MUC12: variants seen among roughly 807,000 people sequenced by gnomAD.
The protein encoded by MUC12 is mucin-12.
MUC12 carries 172 observed loss-of-function variants against 230.8 expected under a neutral mutation model. That is an observed-to-expected ratio of 0.75 (90% CI 0.66 to 0.85). The LOEUF (loss-of-function observed/expected upper bound fraction) is 0.85. MUC12 is among the 40% of genes least tolerant of loss of function. The pLI is 0.00. For missense variants in MUC12, 3,506 were observed against 5,920.6 expected (o/e 0.59, Z 13.38); for synonymous variants, 1,259 against 2,401.9 (o/e 0.52, Z 13.91).
In MUC12 at chr7:101,004,804, A is replaced by C. The variant is rs1324676383; in HGVS notation, c.14241A>C (p.Ser4747=). ...KSTILYSSSR[S]PDQTLSPASM... Reference sequence around the variant, plus strand: ...CCATCCTTTACAGTAGCTCCAGATCACCAGACCAAACACTCTCACCTGCCA... The same window carrying C: ...CCATCCTTTACAGTAGCTCCAGATCCCCAGACCAAACACTCTCACCTGCCA... The change falls in exon 2 of 12, where the codon TCA becomes TCC. Residue 4747 remains serine (S), a synonymous_variant. Coordinates refer to ENST00000536621, the MANE Select transcript of MUC12 (RefSeq NM_001164462.2). 4 of 1,537,664 alleles carry C rather than the reference A, an allele frequency of 2.6e-6. No homozygotes were observed. The highest frequency in any genetic ancestry group is 3.5e-6 in the Non-Finnish European group (4 of 1,146,986).
Position 100,991,567 on chromosome 7 carries a change from G to A in MUC12, c.1004G>A (p.Ser335Asn). ...GHSEESTPVH[S>N]SPVATATTPP... ...AGTGAGGAATCGACACCAGTCCACAGCAGCCCAGTTGCAACTGCAACAACA... is the reference window on the plus strand; with the variant it reads ...AGTGAGGAATCGACACCAGTCCACAACAGCCCAGTTGCAACTGCAACAACA... The change falls in exon 2 of 12, where the codon AGC becomes AAC. Residue 335 changes from serine to asparagine, a missense_variant. Ser to Asn is a conservative substitution (Grantham distance 46, BLOSUM62 1). Transcript: ENST00000536621. 2.6e-6 allele frequency: 4 copies of A among 1,537,316 alleles called. No individual in the cohort carries two copies. Among genetic ancestry groups the A allele is most frequent in the Admixed American group, 2.0e-5 (1 of 50,974 alleles).
chr7:101,012,932 G>A (rs2116359241), intron 7 of MUC12, 42 bp downstream of exon 7: 1 of 1,537,258 alleles, frequency 6.5e-7, no homozygotes, highest in Middle Eastern at 1.7e-4. Flanking sequence ...AGTGGGGGCT[G>A]GGATGCTTTG....
At chr7:100,988,988 C>T (rs1793236555) in intron 1 of MUC12, among the ~76,000 whole-genome samples, 2 of 152,106 alleles carry the variant, frequency 1.3e-5, no homozygotes, top group Non-Finnish European at 2.9e-5. Flanking sequence ...ATGTGCCTTT[C>T]ACCTTCCACC....
Position 101,018,525 on chromosome 7 carries a change from C to G in MUC12, c.15967-70C>G, listed in dbSNP as rs556550556. 2.0e-5 allele frequency: 30 copies of G among 1,499,942 alleles called. No homozygotes were observed. The South Asian group carries it at 3.4e-4, about 17-fold the overall frequency. The allele number at this position is 1,499,942 out of a possible 1,614,324, so 92.9% of individuals were successfully genotyped here. ...GTTCCCTCCTCCCCGCCAGGGCTCC[C>G]TCTTCCTCCTGGGGCTCCCCCTTTC... On this transcript the variant is annotated intron_variant, in intron 11 of 11. Transcript: ENST00000536621.
chr7:101,010,095 G>T (rs955207086), intron 5 of MUC12, among the ~76,000 whole-genome samples: 2 of 152,134 alleles, frequency 1.3e-5, no homozygotes, highest in Non-Finnish European at 2.9e-5. Context: ...TCTTTGGGAG[G>T]CAGGACCAGC....
rs952844804 is a variant in MUC12, at chr7:101,012,292, C to T, written c.15252-4C>T. 72 of 1,536,614 alleles carry T rather than the reference C, an allele frequency of 4.7e-5. No homozygotes were observed. The highest frequency in any genetic ancestry group is 5.9e-5 in the Non-Finnish European group (68 of 1,146,690). ...GTAACTGATGAAACGATTCCCACTTCCAGCAACGGTAGCATCGTGGTCAAG... is the reference window on the plus strand; with the variant it reads ...GTAACTGATGAAACGATTCCCACTTTCAGCAACGGTAGCATCGTGGTCAAG... On this transcript the variant is annotated splice_region_variant and splice_polypyrimidine_tract_variant and intron_variant, in intron 5 of 11. Coordinates refer to ENST00000536621, the MANE Select transcript of MUC12 (RefSeq NM_001164462.2).
chr7:101,010,192 T>C (rs1406265727), intron 5 of MUC12, among the ~76,000 whole-genome samples: 1 of 151,978 alleles, frequency 6.6e-6, no homozygotes, highest in Non-Finnish European at 1.5e-5. Context: ...TGGGGTGCCC[T>C]GTGCTGCGTG....
intron 5 of MUC12, among the ~76,000 whole-genome samples, chr7:101,010,897 G>A (rs1019060011): frequency 6.6e-6 from 1 of 151,924 alleles, no homozygotes; most frequent in Non-Finnish European, 1.5e-5. Context: ...TGATCCTCCC[G>A]CCTCGGCCTC....
chr7:100,991,945 T>A lies in MUC12; in HGVS notation c.1382T>A (p.Leu461His). 6.5e-7 allele frequency: 1 copy of A among 1,537,920 alleles called. No homozygotes were observed. Among genetic ancestry groups the A allele is most frequent in the Non-Finnish European group, 8.7e-7 (1 of 1,147,062 alleles). Residue 461 changes from leucine (L) to histidine (H), a missense_variant, in exon 2 of 12, where the codon CTT becomes CAT. Physicochemically the swap from Leu to His is moderately conservative, Grantham distance 99. Coordinates refer to ENST00000536621, the MANE Select transcript of MUC12 (RefSeq NM_001164462.2). ...CCTGCCGGCTCTACACCCTCAGTTC[T>A]TGTTGGAGACTCGACGCCCTCACCC... ...VLPAGSTPSV[L>H]VGDSTPSPIS...
chr7:101,015,600 C>G lies in MUC12; in HGVS notation c.15801-15C>G, dbSNP rs1369861900. 1 of 1,537,034 alleles carries G rather than the reference C, an allele frequency of 6.5e-7. No homozygotes were observed. The highest frequency in any genetic ancestry group is 8.7e-7 in the Non-Finnish European group (1 of 1,146,672). Reference sequence around the variant, plus strand: ...CCTCCTTGCCTACAGCTGCTCAAGGCATTTCTGTCTGCAGGGAACAGTATG... The same window carrying G: ...CCTCCTTGCCTACAGCTGCTCAAGGGATTTCTGTCTGCAGGGAACAGTATG... On this transcript the variant is annotated splice_polypyrimidine_tract_variant and intron_variant, in intron 9 of 11. Transcript: ENST00000536621.
At position 100,995,316 on chromosome 7, in the gene MUC12, T is replaced by G. The variant is rs1298240909; in HGVS notation, c.4753T>G (p.Ser1585Ala). The G allele has an allele frequency of 2.2e-5, 33 of 1,528,954 alleles. No individual in the cohort carries two copies. The Admixed American group carries it at 6.6e-4, about 30-fold the overall frequency. The allele number at this position is 1,528,954 out of a possible 1,614,324, so 94.7% of individuals were successfully genotyped here. Residue 1585 changes from serine to alanine, a missense_variant, in exon 2 of 12, where the codon TCA becomes GCA. By Grantham distance (99) the Ser-to-Ala change is moderately conservative (BLOSUM62 1). Transcript: ENST00000536621. Reference protein sequence around the residue: ...ESTTSHSRPGSTHTTAFPGST... With the variant: ...ESTTSHSRPGATHTTAFPGST... ...CACCACCTCCCACAGCCGACCAGGC[T>G]CAACGCACACAACAGCATTCCCTGG...
At chr7:100,986,574 C>A (rs1407810390) in intron 1 of MUC12, among the ~76,000 whole-genome samples, 1 of 152,210 alleles carries the variant, frequency 6.6e-6, no homozygotes, top group East Asian at 1.9e-4. Context: ...TGATAGTGCT[C>A]TGTCTACCCC....
rs1793655107 is a variant in MUC12 at position 101,003,419 on chromosome 7, C to T, written c.12856C>T (p.Leu4286Phe). The change falls in exon 2 of 12, where the codon CTC (leucine) becomes TTC (phenylalanine). Residue 4286 changes from leucine to phenylalanine, a missense_variant. Physicochemically the swap from Leu to Phe is conservative, Grantham distance 22 (BLOSUM62 0). Coordinates refer to ENST00000536621, the MANE Select transcript of MUC12 (RefSeq NM_001164462.2). ...CAGCCCAGGCTCCACTGAAACAACA[C>T]TCTTACCTGACAACACCACAGCCTC... ...HSSPGSTETT[L>F]LPDNTTASGL... 2.0e-6 allele frequency: 3 copies of T among 1,517,942 alleles called. No homozygotes were observed. Among genetic ancestry groups the T allele is most frequent in the Non-Finnish European group, 2.6e-6 (3 of 1,140,170 alleles). 94.0% of individuals were successfully genotyped at this position (1,517,942 alleles called of 1,614,324 possible). A position where few individuals can be genotyped will look rare whatever the true frequency, so the allele number is the denominator to read the frequency against.
At chr7:100,974,290 C>T (rs1346791470) in intron 1 of MUC12, among the ~76,000 whole-genome samples, 4 of 152,286 alleles carry the variant, frequency 2.6e-5, no homozygotes, top group Non-Finnish European at 4.4e-5. Context: ...TGTTCTCTCT[C>T]TCTTCTCCTT....
intron 5 of MUC12, among the ~76,000 whole-genome samples, chr7:101,011,566 C>T (rs988341574): frequency 6.6e-6 from 1 of 152,104 alleles, no homozygotes; most frequent in Non-Finnish European, 1.5e-5. Context: ...GGACTACAAG[C>T]GTGCACTAAC....
chr7:100,973,359 T>C (rs1203493834), intron 1 of MUC12, among the ~76,000 whole-genome samples: 1 of 138,870 alleles, frequency 7.2e-6, no homozygotes, highest in Non-Finnish European at 1.6e-5. Flanking sequence ...GGCTGTGGAG[T>C]TTGGGGTGAT....
At chr7:100,985,390 C>A (rs1239345513) in intron 1 of MUC12, among the ~76,000 whole-genome samples, 1 of 152,120 alleles carries the variant, frequency 6.6e-6, no homozygotes, top group African/African-American at 2.4e-5. Flanking sequence ...ATTTTAGGAG[C>A]AGTTTAGGGA....
At chr7:101,009,188 A>T (rs1030321390) in intron 5 of MUC12, 29 bp downstream of exon 5, 1 of 1,528,050 alleles carries the variant, frequency 6.5e-7, no homozygotes, top group Non-Finnish European at 8.8e-7. Context: ...AGGTTTATAG[A>T]TGTGGGGAAA....
At chr7:101,017,731 C>T in intron 11 of MUC12, 68 bp downstream of exon 11, 1 of 1,200,706 alleles carries the variant, frequency 8.3e-7, no homozygotes, top group South Asian at 1.4e-5. Context: ...CCCTCTTCCC[C>T]CGGGACTCCC....
Sources: gnomAD v4.1 joint callset for allele counts (sites outside exome capture counted in the v4.1 genomes callset) on GRCh38, gnomAD v4.1.1 for gene constraint, MANE v1.5 for transcripts, NCBI Gene and HGNC (gene_info 2026-07-23, HGNC 2026-07-21) for gene names.